Variants in SLC25A25 observed in about 807,000 individuals in gnomAD.
SLC25A25 encodes the protein mitochondrial adenyl nucleotide antiporter SLC25A25.
Under a neutral mutation model 57.7 loss-of-function variants are expected in SLC25A25, and 32 were observed. The observed-to-expected ratio is 0.55, with a 90% CI of 0.42 to 0.74. SLC25A25 has a LOEUF of 0.74. Ranked by LOEUF, SLC25A25 falls within the 30% of genes least tolerant of loss-of-function variation. SLC25A25 has a pLI of 0.00. For synonymous variants in SLC25A25, 306 were observed against 291.2 expected (o/e 1.05, Z -0.52); for missense variants, 556 against 701.3 (o/e 0.79, Z 2.34).
chr9:128,087,293 G>A (rs1833299608), intron 1 of SLC25A25, among the ~76,000 whole-genome samples: 1 of 152,082 alleles, frequency 6.6e-6, no homozygotes, highest in African/African-American at 2.4e-5. Flanking sequence ...GTCTCACTCT[G>A]TCGCCCAGTC....
chr9:128,071,927 G>T (rs956039270), intron 1 of SLC25A25, among the ~76,000 whole-genome samples: 4 of 152,048 alleles, frequency 2.6e-5, no homozygotes, highest in African/African-American at 9.7e-5. Context: ...TGGCCAGGCT[G>T]GTCTCGAACT....
Position 128,099,189 on chromosome 9 carries a change from C to A in SLC25A25, c.262-1907C>A. On this transcript the variant is annotated intron_variant, in intron 1 of 10. Coordinates refer to ENST00000373069, the MANE Select transcript of SLC25A25 (RefSeq NM_001330988.2). The surrounding 1 kb of genome is among the most constrained non-coding windows in gnomAD (Gnocchi z 6.8). ...CTGTGGAACAGGGCCTGTGTCTGCC[C>A]TGAAAGTGAGGAAGCCGAGCTGCAG... The A allele has an allele frequency of 7.9e-7, 1 of 1,266,978 alleles. No homozygotes were observed. 78.5% of individuals were successfully genotyped at this position (1,266,978 alleles called of 1,614,324 possible). A position where few individuals can be genotyped will look rare whatever the true frequency, so the allele number is the denominator to read the frequency against.
intron 1 of SLC25A25, among the ~76,000 whole-genome samples, chr9:128,076,890 A>C (rs10119709): frequency 6.6e-6 from 1 of 151,872 alleles, no homozygotes; most frequent in African/African-American, 2.4e-5. Context: ...ACATGGAGAT[A>C]AGCTCTCCGG....
Position 128,103,946 on chromosome 9 carries a change from C to T in SLC25A25, c.783+107C>T. 2 of 1,173,650 alleles carry T rather than the reference C, an allele frequency of 1.7e-6. No homozygotes were observed. The highest frequency in any genetic ancestry group is 1.2e-6 in the Non-Finnish European group (1 of 863,104). The allele number at this position is 1,173,650 out of a possible 1,614,324, so 72.7% of individuals were successfully genotyped here. On this transcript the variant is annotated intron_variant, in intron 6 of 10. Coordinates refer to ENST00000373069, the MANE Select transcript of SLC25A25 (RefSeq NM_001330988.2). This position sits in a 1 kb window ranked among gnomAD's most constrained non-coding sequence, Gnocchi z 6.7. ...GGCTGGTGCCTGCTTTGGGCCCAAACTTTTCTAACCCAATAAATTAGACTA... is the reference window on the plus strand; with the variant it reads ...GGCTGGTGCCTGCTTTGGGCCCAAATTTTTCTAACCCAATAAATTAGACTA...
At chr9:128,076,623 G>T (rs956886050) in intron 1 of SLC25A25, among the ~76,000 whole-genome samples, 1 of 151,392 alleles carries the variant, frequency 6.6e-6, no homozygotes, top group Non-Finnish European at 1.5e-5. Context: ...CCACCACCAC[G>T]CCCAGCTAAT....
At chr9:128,093,481 C>A (rs780217498) in intron 1 of SLC25A25, among the ~76,000 whole-genome samples, 1 of 152,218 alleles carries the variant, frequency 6.6e-6, no homozygotes, top group African/African-American at 2.4e-5. Context: ...CCAGCTCTCC[C>A]CCCAGGGACT....
chr9:128,094,903 C>T (rs868083002), intron 1 of SLC25A25, among the ~76,000 whole-genome samples: 2 of 152,116 alleles, frequency 1.3e-5, no homozygotes, highest in African/African-American at 2.4e-5. Context: ...TCACTGTTTC[C>T]GAATACTAGT....
chr9:128,081,191 G>A (rs79739965), intron 1 of SLC25A25, among the ~76,000 whole-genome samples: 3,169 of 152,258 alleles, frequency 0.021, 102 homozygotes, highest in African/African-American at 0.072. Context: ...CTGAACAGCT[G>A]TGCTGCGTGT....
chr9:128,077,940 T>G (rs959589129), intron 1 of SLC25A25, among the ~76,000 whole-genome samples: 1 of 151,252 alleles, frequency 6.6e-6, no homozygotes, highest in East Asian at 2.0e-4. Context: ...GCAGGAAAAT[T>G]GCTTGAACCT....
In SLC25A25 at chr9:128,107,553, C is replaced by A; in HGVS notation, c.*109C>A. 1 of 1,345,664 alleles carries A rather than the reference C, an allele frequency of 7.4e-7. No homozygotes were observed. The highest frequency in any genetic ancestry group is 9.9e-7 in the Non-Finnish European group (1 of 1,011,766). The allele number at this position is 1,345,664 out of a possible 1,614,324, so 83.4% of individuals were successfully genotyped here. On this transcript the variant is annotated 3_prime_UTR_variant, in exon 11 of 11. Transcript: ENST00000373069. ...CAACACTAAGCTGTCTCGAGCCAAG[C>A]TGTGAAAACCCTAGACGCACCCGCA...
chr9:128,102,279 G>A lies in SLC25A25; in HGVS notation c.513-91G>A, dbSNP rs1409680371. 1.4e-5 allele frequency: 20 copies of A among 1,436,328 alleles called. No homozygotes were observed. The highest frequency in any genetic ancestry group is 2.8e-5 in the African/African-American group (2 of 71,056). The allele number at this position is 1,436,328 out of a possible 1,614,324, so 89.0% of individuals were successfully genotyped here. ...CACCTCGTGTGGTTTCTGGGCATCC[G>A]AATGCCTGCCCTTGGCTCACTGGGA... is the stretch of plus-strand genomic sequence containing the variant. On this transcript the variant is annotated intron_variant, in intron 4 of 10. Transcript: ENST00000373069. The surrounding 1 kb of genome is among the most constrained non-coding windows in gnomAD (Gnocchi z 4.1).
intron 1 of SLC25A25, among the ~76,000 whole-genome samples, chr9:128,073,159 A>ATTGG (rs1416526046): frequency 3.9e-5 from 6 of 152,256 alleles, no homozygotes; most frequent in African/African-American, 1.4e-4. Flanking sequence ...TCGCAAGGAA[A>ATTGG]TTGGACCAGA....
intron 1 of SLC25A25, among the ~76,000 whole-genome samples, chr9:128,075,413 T>C (rs1464275902): frequency 6.6e-6 from 1 of 152,148 alleles, no homozygotes; most frequent in Non-Finnish European, 1.5e-5. Flanking sequence ...CCAGATGCAG[T>C]GGTTCACACC....
intron 1 of SLC25A25, chr9:128,098,871 C>T: frequency 6.7e-7 from 1 of 1,485,150 alleles, no homozygotes; most frequent in Non-Finnish European, 8.9e-7. Context: ...GCGGCTATGG[C>T]CGGCACGTGT....
Position 128,068,297 on chromosome 9 carries a change from C to T in SLC25A25, c.-23C>T. The T allele has an allele frequency of 1.5e-6, 2 of 1,304,922 alleles. No individual in the cohort carries two copies. The highest frequency in any genetic ancestry group is 2.0e-6 in the Non-Finnish European group (2 of 1,022,678). 80.8% of individuals were successfully genotyped at this position (1,304,922 alleles called of 1,614,324 possible). A position where few individuals can be genotyped will look rare whatever the true frequency, so the allele number is the denominator to read the frequency against. Reference sequence around the variant, plus strand: ...CCGCCGCCCCCGCTCCCGCCCGCGCCCGGAGCCCCTGCCTCGCGCCCGATG... The same window carrying T: ...CCGCCGCCCCCGCTCCCGCCCGCGCTCGGAGCCCCTGCCTCGCGCCCGATG... On this transcript the variant is annotated 5_prime_UTR_variant, in exon 1 of 11. Transcript: ENST00000373069.
At position 128,099,499 on chromosome 9, in the gene SLC25A25, C is replaced by A; in HGVS notation, c.262-1597C>A. The A allele has an allele frequency of 1.2e-6, 1 of 821,956 alleles. No individual in the cohort carries two copies. The highest frequency in any genetic ancestry group is 1.6e-6 in the Non-Finnish European group (1 of 634,704). 50.9% of individuals were successfully genotyped at this position (821,956 alleles called of 1,614,324 possible). On this transcript the variant is annotated intron_variant, in intron 1 of 10. Coordinates refer to ENST00000373069, the MANE Select transcript of SLC25A25 (RefSeq NM_001330988.2). This position sits in a 1 kb window ranked among gnomAD's most constrained non-coding sequence, Gnocchi z 6.8. Reference sequence around the variant, plus strand: ...AGAGGGCTCCATGCCTGATGTTCGCCTCCTGCCTAAATGGCTTGTCCACTC... The same window carrying A: ...AGAGGGCTCCATGCCTGATGTTCGCATCCTGCCTAAATGGCTTGTCCACTC...
chr9:128,088,633 A>G (rs1253418410), intron 1 of SLC25A25, among the ~76,000 whole-genome samples: 1 of 152,192 alleles, frequency 6.6e-6, no homozygotes, highest in Non-Finnish European at 1.5e-5. Context: ...CTCAGGAATC[A>G]GTGTCCTTAG....
intron 1 of SLC25A25, among the ~76,000 whole-genome samples, chr9:128,069,093 C>T (rs926299016): frequency 1.3e-5 from 2 of 152,214 alleles, no homozygotes; most frequent in African/African-American, 2.4e-5. Flanking sequence ...CGAAGACTGA[C>T]AGTTCTCATG....
At chr9:128,078,845 T>C (rs909488116) in intron 1 of SLC25A25, among the ~76,000 whole-genome samples, 2 of 152,230 alleles carry the variant, frequency 1.3e-5, no homozygotes, top group African/African-American at 4.8e-5. Flanking sequence ...CTCAATGCAG[T>C]GCCGCCTTCC....
Sources: gnomAD v4.1 joint callset for allele counts (sites outside exome capture counted in the v4.1 genomes callset) on GRCh38, gnomAD v4.1.1 for gene constraint, Gnocchi (gnomAD v3.1) non-coding constraint, MANE v1.5 for transcripts, NCBI Gene and HGNC (gene_info 2026-07-23, HGNC 2026-07-21) for gene names.